Variants in KMT2B observed in about 807,000 individuals in gnomAD.
KMT2B encodes lysine methyltransferase 2B.
In KMT2B, 22 loss-of-function variants were observed where a neutral mutation model predicts 255.3. The observed-to-expected ratio is 0.09, with a 90% CI of 0.06 to 0.12. KMT2B has a LOEUF of 0.12. Ranked by LOEUF, KMT2B falls within the 10% of genes least tolerant of loss-of-function variation. The pLI is 1.00. For missense variants in KMT2B, 3,149 were observed against 3,737.0 expected, an observed-to-expected ratio of 0.84 and a Z score of 4.10; for synonymous variants, 1,730 against 1,498.1, an observed-to-expected ratio of 1.15 and a Z score of -3.57.
rs767324610 is a variant in KMT2B, at chr19:35,722,363, G to T, written c.2462G>T (p.Ser821Ile). 1.4e-5 allele frequency: 22 copies of T among 1,608,456 alleles called. No homozygotes were observed. The highest frequency in any genetic ancestry group is 1.7e-5 in the Non-Finnish European group (20 of 1,179,196). Residue 821 changes from serine to isoleucine, a missense_variant, in exon 4 of 37, where the codon AGC (serine) becomes ATC (isoleucine). This residue lies in a region of KMT2B where 1,188 missense variants were observed against 1,106.4 expected (regional missense o/e 1.07). Coordinates refer to ENST00000420124, the MANE Select transcript of KMT2B (RefSeq NM_014727.3). ...QQKVAASMPL[S>I]PGGQMEEVAG... Reference sequence around the variant, plus strand: ...ACCCTGTTTATTCCCTGCCAGCTGAGCCCTGGAGGGCAGATGGAGGAGGTG... The same window carrying T: ...ACCCTGTTTATTCCCTGCCAGCTGATCCCTGGAGGGCAGATGGAGGAGGTG...
chr19:35,736,651 G>A (rs746920761), intron 30 of KMT2B, 39 bp from the exon 31 acceptor site: 2 of 1,608,280 alleles, frequency 1.2e-6, no homozygotes, highest in South Asian at 1.1e-5. Flanking sequence ...TTGAGTCCGG[G>A]AAGGGTGATC....
In KMT2B at chr19:35,733,054, G is replaced by T; in HGVS notation, c.6505G>T (p.Ala2169Ser). ...CCGCACATTTGCCTGGCTCCCAGGG[G>T]CCCCAGGGGTCCGGGTGTTAAGCCT... ...PTRTFAWLPG[A>S]PGVRVLSLGP... The change falls in exon 28 of 37, where the codon GCC becomes TCC. Residue 2169 changes from alanine (A) to serine (S), a missense_variant. By Grantham distance (99) the Ala-to-Ser change is moderately conservative. Around this residue, in one of 18 missense-constraint regions of KMT2B, gnomAD observed 897 missense variants for 825.3 expected, o/e 1.09. Transcript: ENST00000420124. This position sits in a 1 kb window ranked among gnomAD's most constrained non-coding sequence, Gnocchi z 4.3. 1 of 1,581,950 alleles carries T rather than the reference G, an allele frequency of 6.3e-7. No homozygotes were observed. The highest frequency in any genetic ancestry group is 8.6e-7 in the Non-Finnish European group (1 of 1,163,906).
chr19:35,727,345 C>G lies in KMT2B; in HGVS notation c.4117+76C>G. 6.4e-7 allele frequency: 1 copy of G among 1,570,514 alleles called. No homozygotes were observed. Among genetic ancestry groups the G allele is most frequent in the Non-Finnish European group, 8.8e-7 (1 of 1,141,164 alleles). On this transcript the variant is annotated intron_variant, in intron 15 of 36. Transcript: ENST00000420124. This position sits in a 1 kb window ranked among gnomAD's most constrained non-coding sequence, Gnocchi z 4.2. ...GCCCCCACCACAGGCCCCAAGAGGA[C>G]TGGTGGGCTAAGGGTCCTTGCTGGC...
chr19:35,719,396 C>CA, intron 1 of KMT2B, 73 bp from the exon 2 acceptor site: 1 of 1,104,650 alleles, frequency 9.1e-7, no homozygotes, highest in South Asian at 1.4e-5. Context: ...GGATATTCCT[C>CA]GATACCTCAG....
Position 35,722,379 on chromosome 19 carries a change from G to A in KMT2B, c.2478G>A (p.Met826Ile), listed in dbSNP as rs1255923586. ...ASMPLSPGGQ[M>I]EEVAGAVKQI... ...GCCAGCTGAGCCCTGGAGGGCAGAT[G>A]GAGGAGGTGGCCGGGGCTGTCAAGC... is the stretch of plus-strand genomic sequence containing the variant. The change falls in exon 4 of 37, where the codon ATG becomes ATA. Residue 826 changes from methionine to isoleucine, a missense_variant. Transcript: ENST00000420124. 13 of 1,610,492 alleles carry A rather than the reference G, an allele frequency of 8.1e-6. No individual in the cohort carries two copies. The highest frequency in any genetic ancestry group is 1.1e-5 in the Non-Finnish European group (13 of 1,179,660).
chr19:35,731,932 C>T lies in KMT2B; in HGVS notation c.5462C>T (p.Pro1821Leu), dbSNP rs748336996. The T allele has an allele frequency of 3.7e-6, 6 of 1,613,592 alleles. No homozygotes were observed. The highest frequency in any genetic ancestry group is 1.3e-5 in the African/African-American group (1 of 74,884). ...GAGCCCCCAGGTGGTGAGGACCCCC[C>T]ACTGGACACAGATGTTCTTGTCCCT... ...SSEPPGGEDP[P>L]LDTDVLVPGA... The change falls in exon 27 of 37, where the codon CCA becomes CTA. Residue 1821 changes from proline to leucine, a missense_variant. By Grantham distance (98) the Pro-to-Leu change is moderately conservative. Transcript: ENST00000420124.
Position 35,720,802 on chromosome 19 carries a change from T to C in KMT2B, c.1455T>C (p.Ala485=), listed in dbSNP as rs1376226885. 1 of 1,503,132 alleles carries C rather than the reference T, an allele frequency of 6.7e-7. No homozygotes were observed. Among genetic ancestry groups the C allele is most frequent in the African/African-American group, 1.4e-5 (1 of 71,660 alleles). 93.1% of individuals were successfully genotyped at this position (1,503,132 alleles called of 1,614,324 possible). Residue 485 remains alanine, a synonymous_variant, in exon 3 of 37, where the codon GCT becomes GCC. Transcript: ENST00000420124. ...TPSQRAEREA[A]RAGPEGTSPP... is the part of the protein sequence containing the mutation. ...GCCAGCGGGCGGAGCGGGAAGCTGC[T>C]CGGGCAGGGCCAGAGGGCACCTCTC... is the stretch of plus-strand genomic sequence containing the variant.
In KMT2B at chr19:35,737,431, C is replaced by A; in HGVS notation, c.7550+168C>A. On this transcript the variant is annotated intron_variant, in intron 33 of 36. Coordinates refer to ENST00000420124, the MANE Select transcript of KMT2B (RefSeq NM_014727.3). The surrounding 1 kb of genome is among the most constrained non-coding windows in gnomAD (Gnocchi z 5.3). ...GCTCCGTGGCTCATGCCTGTAATCC[C>A]GCCACTTTGGGAGGCCGAGGCAGGA... is the stretch of plus-strand genomic sequence containing the variant. The A allele has an allele frequency of 1.1e-6, 1 of 882,088 alleles. No homozygotes were observed. The highest frequency in any genetic ancestry group is 1.7e-6 in the Non-Finnish European group (1 of 598,582). 54.6% of individuals were successfully genotyped at this position (882,088 alleles called of 1,614,324 possible).
Position 35,727,849 on chromosome 19 carries a change from G to A in KMT2B, c.4393-32G>A. On this transcript the variant is annotated intron_variant, in intron 17 of 36. Transcript: ENST00000420124. This position sits in a 1 kb window ranked among gnomAD's most constrained non-coding sequence, Gnocchi z 4.2. ...GAGGAGAGGGCTGGAATTGTGCAGAGGGGACTCAGTCTCTGACAAACCCCC... is the reference window on the plus strand; with the variant it reads ...GAGGAGAGGGCTGGAATTGTGCAGAAGGGACTCAGTCTCTGACAAACCCCC... The A allele has an allele frequency of 6.2e-7, 1 of 1,612,390 alleles. No homozygotes were observed. The highest frequency in any genetic ancestry group is 8.5e-7 in the Non-Finnish European group (1 of 1,178,702).
chr19:35,730,765 C>A lies in KMT2B; in HGVS notation c.5335C>A (p.Arg1779=). The A allele has an allele frequency of 6.2e-7, 1 of 1,613,832 alleles. No individual in the cohort carries two copies. Among genetic ancestry groups the A allele is most frequent in the Non-Finnish European group, 8.5e-7 (1 of 1,179,894 alleles). The part of the protein sequence containing the change: ...DARRRCWYRC[R]ILEYRPWGPR... The stretch of plus-strand genomic sequence containing the variant: ...TCGGAGGCGCTGCTGGTATCGGTGC[C>A]GAATTCTGGAGTATCGGCCATGGGG... The change falls in exon 26 of 37, where the codon CGA becomes AGA. Residue 1779 remains arginine (R), a synonymous_variant. Coordinates refer to ENST00000420124, the MANE Select transcript of KMT2B (RefSeq NM_014727.3).
At chr19:35,730,900 C>T in intron 26 of KMT2B, 33 bp downstream of exon 26, 1 of 1,554,768 alleles carries the variant, frequency 6.4e-7, no homozygotes, top group South Asian at 1.2e-5. Context: ...TTCCTGAATA[C>T]CGCTCTCCCT....
At chr19:35,728,459 AG>A (rs1337666034) in intron 19 of KMT2B, among the ~76,000 whole-genome samples, 1 of 150,162 alleles carries the variant, frequency 6.7e-6, no homozygotes, top group East Asian at 2.0e-4. Flanking sequence ...CCAGATGGTC[AG>A]GGCAGTGATG....
Position 35,725,433 on chromosome 19 carries a change from T to C in KMT2B, c.3643-46T>C. On this transcript the variant is annotated intron_variant, in intron 11 of 36. Coordinates refer to ENST00000420124, the MANE Select transcript of KMT2B (RefSeq NM_014727.3). This position sits in a 1 kb window ranked among gnomAD's most constrained non-coding sequence, Gnocchi z 4.1. Reference sequence around the variant, plus strand: ...AGCTGGGTCTCATCCCTTGGCCCTCTGGCCTCATGCTATGCCCATCATTCA... The same window carrying C: ...AGCTGGGTCTCATCCCTTGGCCCTCCGGCCTCATGCTATGCCCATCATTCA... 6.2e-7 allele frequency: 1 copy of C among 1,602,308 alleles called. No individual in the cohort carries two copies. Among genetic ancestry groups the C allele is most frequent in the Non-Finnish European group, 8.5e-7 (1 of 1,175,540 alleles).
intron 23 of KMT2B, 66 bp downstream of exon 23, chr19:35,730,191 C>G: frequency 6.2e-7 from 1 of 1,606,260 alleles, no homozygotes; most frequent in African/African-American, 1.3e-5. Flanking sequence ...TAGGGACCCC[C>G]GTGGCCCCCA....
In KMT2B at chr19:35,720,038, T is replaced by C. The variant is rs553680837; in HGVS notation, c.691T>C (p.Cys231Arg). The C allele has an allele frequency of 1.3e-5, 21 of 1,611,996 alleles. No homozygotes were observed. The East Asian group carries it at 3.6e-4, about 27-fold the overall frequency. Reference sequence around the variant, plus strand: ...GCCCCCAGGACGGCCAGCAGGCCCCTGCAGGAGGAAGCAGCAAGCAGTAGT... The same window carrying C: ...GCCCCCAGGACGGCCAGCAGGCCCCCGCAGGAGGAAGCAGCAAGCAGTAGT... ...GRPPGRPAGP[C>R]RRKQQAVVVA... Residue 231 changes from cysteine to arginine, a missense_variant, in exon 3 of 37, where the codon TGC becomes CGC. Cys to Arg is a radical substitution (Grantham distance 180). Transcript: ENST00000420124.
In KMT2B at chr19:35,727,141, C is replaced by T. The variant is rs1352683501; in HGVS notation, c.4004-15C>T. The T allele has an allele frequency of 1.9e-6, 3 of 1,590,554 alleles. No homozygotes were observed. The highest frequency in any genetic ancestry group is 2.6e-6 in the Non-Finnish European group (3 of 1,164,032). ...AACTCCAGCACCTCTGACTCCTTCT[C>T]TTCCCTTTCTCTAGGAAACTACTGC... On this transcript the variant is annotated splice_polypyrimidine_tract_variant and intron_variant, in intron 14 of 36. Transcript: ENST00000420124. The surrounding 1 kb of genome is among the most constrained non-coding windows in gnomAD (Gnocchi z 4.2).
Position 35,738,044 on chromosome 19 carries a change from G to T in KMT2B, c.7743-18G>T. ...TGTCCCCCTCCCCCCTGAGTTCCCT[G>T]TTCATCCTGCCCTGCAGATCAGCCA... On this transcript the variant is annotated intron_variant, in intron 35 of 36. Transcript: ENST00000420124. The surrounding 1 kb of genome is among the most constrained non-coding windows in gnomAD (Gnocchi z 8.7). 1 of 1,613,828 alleles carries T rather than the reference G, an allele frequency of 6.2e-7. No individual in the cohort carries two copies. Among genetic ancestry groups the T allele is most frequent in the Non-Finnish European group, 8.5e-7 (1 of 1,179,838 alleles).
In KMT2B at chr19:35,725,091, T is replaced by C. The variant is rs773864458; in HGVS notation, c.3528+4T>C. The C allele has an allele frequency of 6.2e-7, 1 of 1,606,334 alleles. No homozygotes were observed. On this transcript the variant is annotated splice_donor_region_variant and intron_variant, in intron 10 of 36. Coordinates refer to ENST00000420124, the MANE Select transcript of KMT2B (RefSeq NM_014727.3). The surrounding 1 kb of genome is among the most constrained non-coding windows in gnomAD (Gnocchi z 4.1). ...CCGCGTCCGTGTGGATTTTAAGGTA[T>C]GGCATTGAGTGGGGCGAGTCACAGA...
rs757347154 is a variant in KMT2B at position 35,720,187 on chromosome 19, G to GCGTGGAGGACAGTCAAGC, written c.849_866dup (p.Gln284_Gly289dup). 1 of 1,606,952 alleles carries GCGTGGAGGACAGTCAAGC rather than the reference G, an allele frequency of 6.2e-7. No individual in the cohort carries two copies. Among genetic ancestry groups the GCGTGGAGGACAGTCAAGC allele is most frequent in the South Asian group, 1.1e-5 (1 of 90,030 alleles). ...CCGGTCCAGGACCTGGGACCCCCAG[G>GCGTGGAGGACAGTCAAGC]CGTGGAGGACAGTCAAGCCGTGGAG... On this transcript the variant is annotated inframe_insertion, in exon 3 of 37. Transcript: ENST00000420124.
Sources: gnomAD v4.1 joint callset for allele counts (sites outside exome capture counted in the v4.1 genomes callset) on GRCh38, gnomAD v4.1.1 for gene constraint, gnomAD v4.1.1 regional missense constraint, Gnocchi (gnomAD v3.1) non-coding constraint, MANE v1.5 for transcripts, NCBI Gene and HGNC (gene_info 2026-07-23, HGNC 2026-07-21) for gene names.